ALKAL1: variants seen among roughly 807,000 people sequenced by gnomAD.
ALKAL1 encodes ALK and LTK ligand 1.
A neutral mutation model predicts 13.5 loss-of-function variants in ALKAL1; 23 were observed. The observed-to-expected ratio is 1.70, with a 90% CI of 1.23 to 2.41. The LOEUF (loss-of-function observed/expected upper bound fraction) is 2.41. Ranked by LOEUF, ALKAL1 falls within the 30% of genes most tolerant of loss-of-function variation. The pLI, the probability that ALKAL1 is intolerant of heterozygous loss-of-function variation, is 0.00. For missense variants in ALKAL1, 181 were observed against 178.4 expected (o/e 1.01, Z -0.08); for synonymous variants, 85 against 77.7 (o/e 1.09, Z -0.49).
intron 1 of ALKAL1, among the ~76,000 whole-genome samples, chr8:52,553,011 TTA>T (rs966204078): frequency 6.6e-6 from 1 of 152,206 alleles, no homozygotes; most frequent in African/African-American, 2.4e-5. Context: ...AACTTGATTT[TTA>T]TATATCCAGT....
intron 1 of ALKAL1, among the ~76,000 whole-genome samples, chr8:52,559,196 G>A (rs1160010180): frequency 6.6e-6 from 1 of 152,168 alleles, no homozygotes; most frequent in Admixed American, 6.5e-5. Flanking sequence ...GGTTCAGAGA[G>A]GACAAATATC....
At chr8:52,537,962 G>A (rs1272072732) in intron 4 of ALKAL1, among the ~76,000 whole-genome samples, 1 of 151,974 alleles carries the variant, frequency 6.6e-6, no homozygotes, top group Non-Finnish European at 1.5e-5. Context: ...CGGGCATGGT[G>A]GCACGTGCCT....
At chr8:52,545,240 A>G (rs1324268994) in intron 1 of ALKAL1, among the ~76,000 whole-genome samples, 1 of 152,202 alleles carries the variant, frequency 6.6e-6, no homozygotes, top group African/African-American at 2.4e-5. Flanking sequence ...AGTTACAAAG[A>G]TAAAAAGCTA....
At chr8:52,547,393 G>A (rs975166871) in intron 1 of ALKAL1, among the ~76,000 whole-genome samples, 8 of 152,070 alleles carry the variant, frequency 5.3e-5, no homozygotes, top group Non-Finnish European at 8.8e-5. Flanking sequence ...CCAGCTACTC[G>A]GAAGGCTGAG....
chr8:52,537,425 C>T (rs1293559085), intron 4 of ALKAL1, among the ~76,000 whole-genome samples: 1 of 151,974 alleles, frequency 6.6e-6, no homozygotes, highest in Non-Finnish European at 1.5e-5. Flanking sequence ...TTCTCAAGAA[C>T]AAAACTAAAA....
rs747062515 is a variant in ALKAL1 at position 52,539,859 on chromosome 8, G to A, written c.297C>T (p.Tyr99=). ...ECSKHFHRLY[Y]NTRECSTPAY... ...CTGGCGTTGAGCACTCCCTGGTATT[G>A]TAATAGAGTCGGTGGAAATGTTTGC... The change falls in exon 3 of 5, where the codon TAC becomes TAT. Residue 99 remains tyrosine, a synonymous_variant. Transcript: ENST00000358543. 2 of 1,613,110 alleles carry A rather than the reference G, an allele frequency of 1.2e-6. No individual in the cohort carries two copies. Among genetic ancestry groups the A allele is most frequent in the South Asian group, 1.1e-5 (1 of 91,008 alleles).
At chr8:52,536,230 T>C (rs975216972) in intron 4 of ALKAL1, among the ~76,000 whole-genome samples, 9 of 152,176 alleles carry the variant, frequency 5.9e-5, no homozygotes, top group Non-Finnish European at 1.3e-4. Context: ...TGAGCCACCA[T>C]GCCCAGCCAT....
chr8:52,542,276 A>G, intron 2 of ALKAL1, 116 bp downstream of exon 2: 1 of 658,536 alleles, frequency 1.5e-6, no homozygotes, highest in Non-Finnish European at 2.6e-6. Flanking sequence ...CATCTCCCCA[A>G]CTGGACCATG....
intron 1 of ALKAL1, among the ~76,000 whole-genome samples, chr8:52,555,087 T>C (rs2360283): frequency 0.24 from 35,960 of 150,290 alleles, 4,810 homozygotes; most frequent in East Asian, 0.65. Context: ...AGGAGAATGG[T>C]GTGAACCTGG....
intron 1 of ALKAL1, among the ~76,000 whole-genome samples, chr8:52,557,818 T>C (rs1335247024): frequency 6.6e-6 from 1 of 151,146 alleles, no homozygotes; most frequent in Non-Finnish European, 1.5e-5. Context: ...AACCCATCTC[T>C]ACTAAAAACA....
Position 52,552,678 on chromosome 8 carries a change from C to T in ALKAL1, c.191-10233G>A, listed in dbSNP as rs568424071. On this transcript the variant is annotated intron_variant, in intron 1 of 4. Coordinates refer to ENST00000358543, the MANE Select transcript of ALKAL1 (RefSeq NM_207413.4). Reference sequence around the variant, plus strand: ...TGTCTCAGATGGTTCTGGCTCTGGCCATCATGAAATGTTTTACTTGGCTCC... The same window carrying T: ...TGTCTCAGATGGTTCTGGCTCTGGCTATCATGAAATGTTTTACTTGGCTCC... 3.3e-5 allele frequency among the ~76,000 whole-genome samples: 5 copies of T among 152,286 alleles called. No individual in the cohort carries two copies. The South Asian group carries it at 1.0e-3, about 32-fold the overall frequency.
Position 52,536,331 on chromosome 8 carries a change from A to C in ALKAL1, c.*13-1731T>G, listed in dbSNP as rs527240298. On this transcript the variant is annotated intron_variant, in intron 4 of 4. Coordinates refer to ENST00000358543, the MANE Select transcript of ALKAL1 (RefSeq NM_207413.4). ...TGGTACTGAAATGCTGACCCAAAAA[A>C]AGTTGACTTGGTACTACACTGCAAA... 1.6e-4 allele frequency among the ~76,000 whole-genome samples: 24 copies of C among 152,356 alleles called. No homozygotes were observed. The South Asian group carries it at 4.8e-3, about 30-fold the overall frequency.
chr8:52,540,285 T>C (rs555941790), intron 2 of ALKAL1, among the ~76,000 whole-genome samples: 1 of 152,340 alleles, frequency 6.6e-6, no homozygotes, highest in South Asian at 2.1e-4. Context: ...TTTTATTTAA[T>C]AGCAATTAAT....
chr8:52,537,132 C>G (rs1847272702), intron 4 of ALKAL1, among the ~76,000 whole-genome samples: 1 of 152,040 alleles, frequency 6.6e-6, no homozygotes, highest in Non-Finnish European at 1.5e-5. Context: ...CAGCAAAAAA[C>G]AGATAATCTG....
At chr8:52,561,985 C>T (rs1847555516) in intron 1 of ALKAL1, among the ~76,000 whole-genome samples, 1 of 152,202 alleles carries the variant, frequency 6.6e-6, no homozygotes, top group Non-Finnish European at 1.5e-5. Flanking sequence ...AACTGAACCT[C>T]CTCTCTACTC....
chr8:52,537,977 T>C (rs1226106825), intron 4 of ALKAL1, among the ~76,000 whole-genome samples: 2 of 151,638 alleles, frequency 1.3e-5, no homozygotes, highest in Non-Finnish European at 2.9e-5. Flanking sequence ...GTGCCTGTAG[T>C]CCCAGCTACT....
At chr8:52,540,148 C>T (rs1372255425) in intron 2 of ALKAL1, among the ~76,000 whole-genome samples, 1 of 152,076 alleles carries the variant, frequency 6.6e-6, no homozygotes, top group Non-Finnish European at 1.5e-5. Flanking sequence ...GGAATCTTCA[C>T]ATTTAGGAGA....
chr8:52,559,637 C>T (rs768268441), intron 1 of ALKAL1, among the ~76,000 whole-genome samples: 14 of 152,294 alleles, frequency 9.2e-5, no homozygotes, highest in Non-Finnish European at 2.1e-4. Flanking sequence ...TTGAAACTTG[C>T]CTCTCAGCTG....
At chr8:52,557,199 A>G (rs1219038671) in intron 1 of ALKAL1, among the ~76,000 whole-genome samples, 2 of 152,238 alleles carry the variant, frequency 1.3e-5, no homozygotes, top group Non-Finnish European at 2.9e-5. Context: ...CAGGTTCACC[A>G]TGGCTGATGC....
Sources: allele counts gnomAD v4.1 joint callset (sites outside exome capture counted in the v4.1 genomes callset), GRCh38; gene constraint gnomAD v4.1.1; transcripts MANE v1.5; gene names NCBI Gene and HGNC (gene_info 2026-07-23, HGNC 2026-07-21).